Variants in SPOCK3 observed in about 807,000 individuals in gnomAD.
SPOCK3 encodes SPARC (osteonectin), cwcv and kazal like domains proteoglycan 3, also known as testican-3.
In SPOCK3, 30 loss-of-function variants were observed where a neutral mutation model predicts 56.6. That is an observed-to-expected ratio of 0.53 (90% confidence interval 0.40 to 0.72). SPOCK3 has a LOEUF of 0.72. SPOCK3 is among the 30% of genes least tolerant of loss of function. SPOCK3 has a pLI of 0.00. For missense variants in SPOCK3, 527 were observed against 530.0 expected (o/e 0.99, Z 0.06); for synonymous variants, 196 against 183.3 (o/e 1.07, Z -0.56).
chr4:167,224,505 T>C (rs1007709395), intron 2 of SPOCK3, among the ~76,000 whole-genome samples: 12 of 152,162 alleles, frequency 7.9e-5, no homozygotes, highest in African/African-American at 2.9e-4. Context: ...TTTTTGTATA[T>C]GCCACTCGTT....
intron 9 of SPOCK3, among the ~76,000 whole-genome samples, chr4:166,741,238 C>A (rs945685759): frequency 1.3e-5 from 2 of 152,142 alleles, no homozygotes; most frequent in Non-Finnish European, 2.9e-5. Context: ...CTGAAGCTTA[C>A]TTAATAGGAT....
At chr4:166,858,311 T>C (rs1271626437) in intron 6 of SPOCK3, among the ~76,000 whole-genome samples, 2 of 152,224 alleles carry the variant, frequency 1.3e-5, no homozygotes, top group Non-Finnish European at 2.9e-5. Context: ...TAGGGTTCTT[T>C]GCTCTGTCTA....
chr4:167,063,679 C>T (rs1222842711), intron 2 of SPOCK3, among the ~76,000 whole-genome samples: 2 of 151,950 alleles, frequency 1.3e-5, no homozygotes, highest in South Asian at 2.1e-4. Context: ...CCCCTCACAC[C>T]GTCCCACCCT....
chr4:166,953,335 T>C (rs1369038707), intron 4 of SPOCK3, among the ~76,000 whole-genome samples: 1 of 152,080 alleles, frequency 6.6e-6, no homozygotes, highest in Non-Finnish European at 1.5e-5. Flanking sequence ...CATGAAAAAA[T>C]GCTCACCATC....
intron 2 of SPOCK3, among the ~76,000 whole-genome samples, chr4:167,186,991 A>G (rs983164303): frequency 3.3e-5 from 5 of 152,130 alleles, no homozygotes; most frequent in Admixed American, 1.3e-4. Context: ...AAAAAAAAAA[A>G]AAAAAAGACA....
Position 166,737,555 on chromosome 4 carries a change from T to C in SPOCK3, c.1044A>G (p.Gln348=). The C allele has an allele frequency of 6.2e-7, 1 of 1,612,976 alleles. No homozygotes were observed. ...CDEDGYYKPT[Q]CHGSVGQCWC... The stretch of plus-strand genomic sequence containing the variant: ...AGCACTGTCCAACACTGCCATGACA[T>C]TGTGTTGGCTTGTAGTAACCATCTT... Residue 348 remains glutamine (Q), a synonymous_variant, in exon 10 of 11, where the codon CAA becomes CAG. Transcript: ENST00000357545.
At chr4:166,798,071 T>C (rs1742156274) in intron 6 of SPOCK3, among the ~76,000 whole-genome samples, 1 of 152,208 alleles carries the variant, frequency 6.6e-6, no homozygotes. Context: ...TAAACAAATA[T>C]ACTGTGCTGC....
chr4:167,168,485 G>A (rs919061977), intron 2 of SPOCK3, among the ~76,000 whole-genome samples: 5 of 152,084 alleles, frequency 3.3e-5, no homozygotes, highest in Non-Finnish European at 7.4e-5. Flanking sequence ...AGATGGAGAC[G>A]AGGAACTTTT....
intron 6 of SPOCK3, among the ~76,000 whole-genome samples, chr4:166,798,229 G>T (rs1238510067): frequency 2.6e-5 from 4 of 152,126 alleles, no homozygotes; most frequent in Non-Finnish European, 4.4e-5. Context: ...TAAGCAAAAA[G>T]TTTCCATTAA....
At chr4:166,809,336 G>C (rs1343387518) in intron 6 of SPOCK3, among the ~76,000 whole-genome samples, 2 of 151,838 alleles carry the variant, frequency 1.3e-5, no homozygotes, top group Non-Finnish European at 2.9e-5. Context: ...ATTATATACT[G>C]TAGGGCCACT....
At chr4:166,855,988 G>C (rs1730608808) in intron 6 of SPOCK3, among the ~76,000 whole-genome samples, 1 of 152,158 alleles carries the variant, frequency 6.6e-6, no homozygotes, top group Non-Finnish European at 1.5e-5. Context: ...GATTAATGTA[G>C]GGGAGATTAT....
intron 5 of SPOCK3, among the ~76,000 whole-genome samples, chr4:166,909,493 T>C (rs553021198): frequency 2.0e-5 from 3 of 152,034 alleles, no homozygotes; most frequent in Admixed American, 6.6e-5. Context: ...GGGTCTAAAA[T>C]AGAACTTGTA....
intron 2 of SPOCK3, among the ~76,000 whole-genome samples, chr4:167,160,294 G>A (rs1765179583): frequency 6.6e-6 from 1 of 152,114 alleles, no homozygotes; most frequent in South Asian, 2.1e-4. Flanking sequence ...ATTCACAATT[G>A]CTTCAAAGAG....
At chr4:166,744,367 C>T (rs1241662088) in intron 8 of SPOCK3, among the ~76,000 whole-genome samples, 1 of 152,122 alleles carries the variant, frequency 6.6e-6, no homozygotes, top group African/African-American at 2.4e-5. Flanking sequence ...CTCCAGAAAA[C>T]TCCAACAAAC....
intron 2 of SPOCK3, among the ~76,000 whole-genome samples, chr4:167,137,286 T>A (rs1763203273): frequency 6.6e-6 from 1 of 151,888 alleles, no homozygotes; most frequent in South Asian, 2.1e-4. Context: ...ATAAATACAG[T>A]CATTTTTTCC....
intron 7 of SPOCK3, among the ~76,000 whole-genome samples, chr4:166,781,438 G>GAGGAGGAAGAGAGAAGACAA (rs1740160778): frequency 2.6e-5 from 4 of 151,842 alleles, no homozygotes; most frequent in Non-Finnish European, 4.4e-5. Context: ...AGAGGAGGAG[G>GAGGAGGAAGAGAGAAGACAA]AGGAGGAAGA....
chr4:166,972,628 T>C (rs1381962279), intron 4 of SPOCK3, among the ~76,000 whole-genome samples: 1 of 152,066 alleles, frequency 6.6e-6, no homozygotes, highest in Non-Finnish European at 1.5e-5. Context: ...ATTTAATAAA[T>C]ACTAAAATTT....
At chr4:166,982,050 T>C (rs1253718980) in intron 4 of SPOCK3, among the ~76,000 whole-genome samples, 2 of 152,212 alleles carry the variant, frequency 1.3e-5, no homozygotes, top group African/African-American at 4.8e-5. Context: ...TGCCTGGATC[T>C]GGAGCTGCAG....
chr4:166,909,543 C>G (rs1737027448), intron 5 of SPOCK3, among the ~76,000 whole-genome samples: 1 of 151,994 alleles, frequency 6.6e-6, no homozygotes, highest in Admixed American at 6.6e-5. Context: ...CCATTTGTAT[C>G]AATGCATGGG....
Sources: allele counts gnomAD v4.1 joint callset (sites outside exome capture counted in the v4.1 genomes callset), GRCh38; gene constraint gnomAD v4.1.1; transcripts MANE v1.5; gene names NCBI Gene and HGNC (gene_info 2026-07-23, HGNC 2026-07-21).